Variants in CPAMD8 observed in about 807,000 individuals in gnomAD.
CPAMD8 encodes the protein C3 and PZP-like alpha-2-macroglobulin domain-containing protein 8.
CPAMD8 carries 146 observed loss-of-function variants against 224.7 expected under a neutral mutation model. The observed-to-expected ratio is 0.65, with a 90% confidence interval of 0.57 to 0.75. CPAMD8 has a LOEUF of 0.75. Among genes scored for constraint, CPAMD8 ranks in the 30% least tolerant of loss-of-function variants. The pLI, the probability that CPAMD8 is intolerant of heterozygous loss-of-function variation, is 0.00. For missense variants in CPAMD8, 2,301 were observed against 2,537.5 expected (o/e 0.91, Z 2.00); for synonymous variants, 966 against 1,044.6 (o/e 0.92, Z 1.45).
At chr19:16,997,015 GT>G in intron 11 of CPAMD8, 95 bp downstream of exon 11, 2 of 786,298 alleles carry the variant, frequency 2.5e-6, no homozygotes, top group South Asian at 1.5e-5. Context: ...CAGGGGATCC[GT>G]TTTCAGCTGA....
At chr19:16,965,523 A>G (rs527487759) in intron 18 of CPAMD8, among the ~76,000 whole-genome samples, 1 of 152,300 alleles carries the variant, frequency 6.6e-6, no homozygotes, top group South Asian at 2.1e-4. Flanking sequence ...AATAAAGGGT[A>G]TTCAATCAGG....
At chr19:16,893,891 G>A (rs2051857299) in intron 41 of CPAMD8, 1 of 159,804 alleles carries the variant, frequency 6.3e-6, no homozygotes, top group Non-Finnish European at 1.4e-5. Flanking sequence ...AGGGCAATTT[G>A]GGGTCCTGGG....
intron 23 of CPAMD8, among the ~76,000 whole-genome samples, chr19:16,933,892 A>G (rs2053613509): frequency 6.6e-6 from 1 of 152,240 alleles, no homozygotes; most frequent in Admixed American, 6.5e-5. Flanking sequence ...AAATGATAAT[A>G]GTAGCTTTAT....
At chr19:16,967,891 A>ACACACG (rs1491310820) in intron 18 of CPAMD8, among the ~76,000 whole-genome samples, 2 of 25,848 alleles carry the variant, frequency 7.7e-5, no homozygotes, top group African/African-American at 1.2e-4. Flanking sequence ...ATACACACAC[A>ACACACG]TGTGTGTGTA....
rs149561218 is a variant in CPAMD8 at position 16,984,510 on chromosome 19, C to T, written c.1396-3824G>A. Among the ~76,000 whole-genome samples the T allele has an allele frequency of 6.5e-3, 983 of 152,056 alleles. 5 individuals are homozygous for T. The highest frequency in any genetic ancestry group is 0.022 in the African/African-American group (919 of 41,462). On this transcript the variant is annotated intron_variant, in intron 13 of 41. Coordinates refer to ENST00000443236, the MANE Select transcript of CPAMD8 (RefSeq NM_015692.5). Reference sequence around the variant, plus strand: ...CAATGGTTTCTTTGAGATGTGGCATCGGAAGTACAAGCAGCAAAAGAAAAA... The same window carrying T: ...CAATGGTTTCTTTGAGATGTGGCATTGGAAGTACAAGCAGCAAAAGAAAAA...
chr19:16,956,887 C>T (rs1334792278), intron 19 of CPAMD8, among the ~76,000 whole-genome samples: 3 of 151,852 alleles, frequency 2.0e-5, no homozygotes, highest in Non-Finnish European at 2.9e-5. Flanking sequence ...AGGGTGGTCT[C>T]GATCTCCTGA....
chr19:16,929,734 T>G (rs1231232566), intron 23 of CPAMD8, among the ~76,000 whole-genome samples: 1 of 152,076 alleles, frequency 6.6e-6, no homozygotes, highest in East Asian at 1.9e-4. Flanking sequence ...AAAGATAAGA[T>G]GCTCAGGGAT....
At chr19:16,992,330 C>T (rs1307933876) in intron 12 of CPAMD8, among the ~76,000 whole-genome samples, 2 of 152,194 alleles carry the variant, frequency 1.3e-5, no homozygotes, top group African/African-American at 2.4e-5. Flanking sequence ...AGCTCATGGC[C>T]TATAATCCCT....
intron 23 of CPAMD8, among the ~76,000 whole-genome samples, chr19:16,935,549 A>C (rs1014178322): frequency 6.6e-6 from 1 of 152,204 alleles, no homozygotes; most frequent in Non-Finnish European, 1.5e-5. Flanking sequence ...CCTTCATTCA[A>C]GATTCATCCA....
At chr19:17,007,584 G>A (rs748172468) in intron 7 of CPAMD8, among the ~76,000 whole-genome samples, 1 of 151,804 alleles carries the variant, frequency 6.6e-6, no homozygotes, top group Non-Finnish European at 1.5e-5. Flanking sequence ...AAGGAGGAAG[G>A]GTCACCAACA....
chr19:16,938,266 C>G, intron 23 of CPAMD8, 129 bp downstream of exon 23: 1 of 549,178 alleles, frequency 1.8e-6, no homozygotes, highest in Non-Finnish European at 3.2e-6. Flanking sequence ...CACAGTGCCC[C>G]CTTCCCAGGG....
At position 16,952,018 on chromosome 19, in the gene CPAMD8, T is replaced by C; in HGVS notation, c.2459A>G (p.Gln820Arg). ...MLPALIIRGEQVKIPLSVYNY... is the reference protein window; with the variant it reads ...MLPALIIRGERVKIPLSVYNY... ...GTAGACACTGAGCGGGATCTTGACC[T>C]GCTCCCCACGGATGATGAGAGCGGG... is the stretch of plus-strand genomic sequence containing the variant. The change falls in exon 20 of 42, where the codon CAG becomes CGG. Residue 820 changes from glutamine (Q) to arginine (R), a missense_variant. Physicochemically the swap from Gln to Arg is conservative, Grantham distance 43. Around this residue, in one of 4 missense-constraint regions of CPAMD8, gnomAD observed 1,709 missense variants for 1,753.2 expected, o/e 0.97. Coordinates refer to ENST00000443236, the MANE Select transcript of CPAMD8 (RefSeq NM_015692.5). 6.3e-7 allele frequency: 1 copy of C among 1,584,004 alleles called. No homozygotes were observed. The highest frequency in any genetic ancestry group is 8.6e-7 in the Non-Finnish European group (1 of 1,163,740).
chr19:16,939,537 G>T (rs905503719), intron 22 of CPAMD8, among the ~76,000 whole-genome samples: 3 of 152,062 alleles, frequency 2.0e-5, no homozygotes, highest in Admixed American at 2.0e-4. Flanking sequence ...GTGTCAACTG[G>T]ACTGGGCTCC....
Position 16,898,033 on chromosome 19 carries a change from G to A in CPAMD8, c.4849-39C>T, listed in dbSNP as rs778789574. 1.4e-6 allele frequency: 2 copies of A among 1,479,370 alleles called. No individual in the cohort carries two copies. The highest frequency in any genetic ancestry group is 2.3e-5 in the East Asian group (1 of 42,746). The allele number at this position is 1,479,370 out of a possible 1,614,324, so 91.6% of individuals were successfully genotyped here. A position where few individuals can be genotyped will look rare whatever the true frequency, so the allele number is the denominator to read the frequency against. On this transcript the variant is annotated intron_variant, in intron 37 of 41. Transcript: ENST00000443236. The surrounding 1 kb of genome is among the most constrained non-coding windows in gnomAD (Gnocchi z 4.2). The stretch of plus-strand genomic sequence containing the variant: ...GCGGGCGCAGGCTCGACCCGGGCCA[G>A]GAGGCCCGGGGCGCTGAGCTCAGGC...
At chr19:16,990,252 C>CA (rs893811367) in intron 12 of CPAMD8, among the ~76,000 whole-genome samples, 59 of 145,816 alleles carry the variant, frequency 4.0e-4, no homozygotes, top group Admixed American at 1.2e-3. Context: ...GACTCTGACT[C>CA]AAAAAAAAAA....
At chr19:16,957,479 T>C in intron 19 of CPAMD8, 1 of 183,920 alleles carries the variant, frequency 5.4e-6, no homozygotes. Flanking sequence ...AAAGGCATCC[T>C]GTTTTTTGAG....
At chr19:16,895,790 T>C in intron 41 of CPAMD8, 1 of 419,350 alleles carries the variant, frequency 2.4e-6, no homozygotes, top group Non-Finnish European at 4.9e-6. Context: ...CTTAGCTAAC[T>C]ATATAATGCA....
At chr19:16,958,004 A>G in intron 18 of CPAMD8, 89 bp from the exon 19 acceptor site, 4 of 1,193,506 alleles carry the variant, frequency 3.4e-6, no homozygotes, top group Non-Finnish European at 4.9e-6. Flanking sequence ...ATTTGATCAG[A>G]TATAACGCGT....
chr19:16,987,169 AAAAAAAAAAAATAT>A (rs1178334455), intron 13 of CPAMD8, among the ~76,000 whole-genome samples: 3 of 97,024 alleles, frequency 3.1e-5, no homozygotes, highest in African/African-American at 4.9e-5. Flanking sequence ...AAAAAAAAAA[AAAAAAAAAAAATAT>A]ATATATATAT....
Sources: allele counts gnomAD v4.1 joint callset (sites outside exome capture counted in the v4.1 genomes callset), GRCh38; gene constraint gnomAD v4.1.1; regional missense constraint gnomAD v4.1.1; non-coding constraint Gnocchi (gnomAD v3.1); transcripts MANE v1.5; gene names NCBI Gene and HGNC (gene_info 2026-07-23, HGNC 2026-07-21).